NEK11: variants seen among roughly 807,000 people sequenced by gnomAD.
NEK11 encodes NIMA related kinase 11.
Under a neutral mutation model 80.7 loss-of-function variants are expected in NEK11, and 72 were observed. That is an observed-to-expected ratio of 0.89 (90% CI 0.74 to 1.08). The LOEUF is 1.08. Among genes scored for constraint, NEK11 ranks in the 50% least tolerant of loss-of-function variants. The pLI is 0.00. For synonymous variants in NEK11, 251 were observed against 260.7 expected, an observed-to-expected ratio of 0.96 and a Z score of 0.36; for missense variants, 764 against 763.6, an observed-to-expected ratio of 1.00 and a Z score of -0.01.
At chr3:131,088,136 A>T (rs1169303916) in intron 4 of NEK11, 1 of 152,214 alleles carries the variant, frequency 6.6e-6, no homozygotes, top group African/African-American at 2.4e-5. Context: ...GGGCAGCTCC[A>T]TCTAGGAGTA....
At position 131,299,685 on chromosome 3, in the gene NEK11, TGTTA is replaced by T. The variant is rs570213881; in HGVS notation, c.1718+26112_1718+26115del. 3.4e-3 allele frequency among the ~76,000 whole-genome samples: 517 copies of T among 152,346 alleles called. 4 individuals are homozygous for T. Among genetic ancestry groups the T allele is most frequent in the African/African-American group, 0.012 (493 of 41,582 alleles). ...GGATAATGGCCTCCAGCTCCATCCATGTTACTGCAAAGGATATGATCTCATTCTT... is the reference window on the plus strand; with the variant it reads ...GGATAATGGCCTCCAGCTCCATCCATCTGCAAAGGATATGATCTCATTCTT... On this transcript the variant is annotated intron_variant, in intron 17 of 17. Coordinates refer to ENST00000383366, the MANE Select transcript of NEK11 (RefSeq NM_024800.5).
intron 17 of NEK11, among the ~76,000 whole-genome samples, chr3:131,309,990 A>T (rs1386997879): frequency 2.6e-5 from 2 of 76,652 alleles, no homozygotes; most frequent in Non-Finnish European, 4.2e-5. Flanking sequence ...CCATGTTTAA[A>T]AAAAAAAAAA....
At chr3:131,086,468 A>G (rs1308724218) in intron 4 of NEK11, among the ~76,000 whole-genome samples, 1 of 152,074 alleles carries the variant, frequency 6.6e-6, no homozygotes, top group Non-Finnish European at 1.5e-5. Flanking sequence ...GAACTCATGG[A>G]TTTTAAAATA....
chr3:131,337,794 C>T (rs1282363932), intron 17 of NEK11, among the ~76,000 whole-genome samples: 1 of 151,788 alleles, frequency 6.6e-6, no homozygotes, highest in East Asian at 1.9e-4. Flanking sequence ...TCAATCTGAA[C>T]CCCCCCTCCA....
At chr3:131,183,547 G>A (rs1388573301) in intron 14 of NEK11, among the ~76,000 whole-genome samples, 1 of 152,172 alleles carries the variant, frequency 6.6e-6, no homozygotes, top group Non-Finnish European at 1.5e-5. Context: ...TTGGTTTTCT[G>A]TTCCTGTGTT....
At position 131,155,128 on chromosome 3, in the gene NEK11, A is replaced by G. The variant is rs778995329; in HGVS notation, c.962+7A>G. 3.2e-6 allele frequency: 5 copies of G among 1,583,280 alleles called. No homozygotes were observed. The South Asian group carries it at 5.5e-5, about 18-fold the overall frequency. On this transcript the variant is annotated splice_region_variant and intron_variant, in intron 10 of 17. Coordinates refer to ENST00000383366, the MANE Select transcript of NEK11 (RefSeq NM_024800.5). ...CTCATATAATTAATGCCATGTAAGTAATTGCTTTGTTTTTAAAAAGCCCAT... is the reference window on the plus strand; with the variant it reads ...CTCATATAATTAATGCCATGTAAGTGATTGCTTTGTTTTTAAAAAGCCCAT...
intron 16 of NEK11, among the ~76,000 whole-genome samples, chr3:131,255,320 A>T (rs377707483): frequency 6.6e-6 from 1 of 152,186 alleles, no homozygotes; most frequent in South Asian, 2.1e-4. Flanking sequence ...CTGTAGTAAC[A>T]TGTGATCTGT....
chr3:131,031,222 A>G (rs907664629), intron 3 of NEK11, among the ~76,000 whole-genome samples: 3 of 152,218 alleles, frequency 2.0e-5, no homozygotes, highest in Admixed American at 1.3e-4. Context: ...TCTAGAATTT[A>G]TAGTTTTTAG....
chr3:131,213,529 A>G (rs527319018), intron 14 of NEK11, among the ~76,000 whole-genome samples: 1 of 152,342 alleles, frequency 6.6e-6, no homozygotes, highest in East Asian at 1.9e-4. Flanking sequence ...ACGAGAAAAA[A>G]GTAAAAGAGA....
intron 14 of NEK11, among the ~76,000 whole-genome samples, chr3:131,216,067 A>G (rs936709035): frequency 1.3e-5 from 2 of 152,232 alleles, no homozygotes; most frequent in Non-Finnish European, 2.9e-5. Flanking sequence ...ACAAGTGGCT[A>G]GTGTCTACCA....
In NEK11 at chr3:131,057,665, T is replaced by C. The variant is rs540774463; in HGVS notation, c.171-22758T>C. Among the ~76,000 whole-genome samples, 3 of 152,278 alleles carry C rather than the reference T, an allele frequency of 2.0e-5. No homozygotes were observed. In the South Asian group the frequency reaches 6.2e-4, roughly 32 times the overall value. ...GATGGTGAGCATTTTTTCATGTGTT[T>C]TTTGGCTGCATAAATGTCTTCTTTT... On this transcript the variant is annotated intron_variant, in intron 3 of 17. Transcript: ENST00000383366.
intron 5 of NEK11, among the ~76,000 whole-genome samples, chr3:131,121,522 G>T (rs752373393): frequency 7.9e-5 from 12 of 152,228 alleles, no homozygotes; most frequent in Admixed American, 1.3e-4. Flanking sequence ...CTATCAGACA[G>T]GGACGTTTAA....
chr3:131,203,293 G>A (rs1448139055), intron 14 of NEK11, among the ~76,000 whole-genome samples: 1 of 151,872 alleles, frequency 6.6e-6, no homozygotes, highest in Non-Finnish European at 1.5e-5. Context: ...CATGGATGAA[G>A]CTGGAAACCA....
chr3:131,245,183 A>G (rs1483548279), intron 16 of NEK11, among the ~76,000 whole-genome samples: 1 of 152,088 alleles, frequency 6.6e-6, no homozygotes, highest in Non-Finnish European at 1.5e-5. Flanking sequence ...AAGTGAGAAC[A>G]TTGGTATTTG....
At chr3:131,233,867 T>TA (rs2095381472) in intron 15 of NEK11, among the ~76,000 whole-genome samples, 1 of 152,250 alleles carries the variant, frequency 6.6e-6, no homozygotes, top group African/African-American at 2.4e-5. Flanking sequence ...CCTTGAAAGA[T>TA]ACTGTTTGTG....
At chr3:131,155,378 G>C (rs1480519676) in intron 10 of NEK11, among the ~76,000 whole-genome samples, 3 of 152,158 alleles carry the variant, frequency 2.0e-5, no homozygotes, top group African/African-American at 7.2e-5. Flanking sequence ...TGCCTTGCAA[G>C]GATATAGAGA....
At chr3:131,221,408 T>C (rs2095021210) in intron 14 of NEK11, among the ~76,000 whole-genome samples, 1 of 152,174 alleles carries the variant, frequency 6.6e-6, no homozygotes, top group African/African-American at 2.4e-5. Context: ...GTTGGAGGTA[T>C]AGGCAAATTT....
chr3:131,119,879 C>T (rs2082056935), intron 5 of NEK11, among the ~76,000 whole-genome samples: 1 of 152,180 alleles, frequency 6.6e-6, no homozygotes, highest in Non-Finnish European at 1.5e-5. Context: ...TGTCTCTACA[C>T]ATGAGAGGGA....
chr3:131,179,305 G>C (rs181933265), intron 14 of NEK11, among the ~76,000 whole-genome samples: 1 of 152,170 alleles, frequency 6.6e-6, no homozygotes, highest in Non-Finnish European at 1.5e-5. Flanking sequence ...TACCCAGTCC[G>C]TGGTATTTTG....
Sources: allele counts gnomAD v4.1 joint callset (sites outside exome capture counted in the v4.1 genomes callset), GRCh38; gene constraint gnomAD v4.1.1; transcripts MANE v1.5; gene names NCBI Gene and HGNC (gene_info 2026-07-23, HGNC 2026-07-21).